MAP3K13: variants seen among roughly 807,000 people sequenced by gnomAD.
The protein encoded by MAP3K13 is mitogen-activated protein kinase kinase kinase 13.
MAP3K13 carries 52 observed loss-of-function variants against 104.0 expected under a neutral mutation model. The ratio of observed to expected loss-of-function variants is 0.50; its 90% CI spans 0.40 to 0.63. MAP3K13 has a LOEUF of 0.63. Among genes scored for constraint, MAP3K13 ranks in the 20% least tolerant of loss-of-function variants. The pLI is 0.00. For synonymous variants in MAP3K13, 394 were observed against 442.2 expected (o/e 0.89, Z 1.37); for missense variants, 914 against 1,218.5 (o/e 0.75, Z 3.72).
intron 2 of MAP3K13, among the ~76,000 whole-genome samples, chr3:185,323,317 A>G (rs1215269853): frequency 6.8e-6 from 1 of 147,636 alleles, no homozygotes; most frequent in Non-Finnish European, 1.5e-5. Flanking sequence ...AGCGTACCAC[A>G]TTACATTTGG....
intron 2 of MAP3K13, among the ~76,000 whole-genome samples, chr3:185,316,923 T>A (rs1721699189): frequency 6.6e-6 from 1 of 152,200 alleles, no homozygotes; most frequent in African/African-American, 2.4e-5. Flanking sequence ...ATTATTATGA[T>A]GTCATGTTAA....
chr3:185,301,314 G>A (rs1490499551), intron 2 of MAP3K13, among the ~76,000 whole-genome samples: 2 of 112,424 alleles, frequency 1.8e-5, no homozygotes, highest in Non-Finnish European at 4.5e-5. Context: ...TTTTAAATTG[G>A]ATTTTTTTTT....
intron 2 of MAP3K13, among the ~76,000 whole-genome samples, chr3:185,319,726 C>T (rs780715394): frequency 3.9e-5 from 6 of 152,200 alleles, no homozygotes; most frequent in Non-Finnish European, 8.8e-5. Flanking sequence ...TTTAAATCAA[C>T]AAGATTTGAG....
intron 1 of MAP3K13, among the ~76,000 whole-genome samples, chr3:185,385,279 T>C (rs542271145): frequency 5.9e-5 from 9 of 152,224 alleles, no homozygotes; most frequent in Middle Eastern, 3.4e-3. Context: ...GCCTCCCGAG[T>C]GGCTGGGATT....
At chr3:185,291,514 A>T in intron 2 of MAP3K13, 2 of 1,093,338 alleles carry the variant, frequency 1.8e-6, no homozygotes, top group East Asian at 2.7e-5. Flanking sequence ...GGTATCTAGT[A>T]ATCTGATTAA....
In MAP3K13 at chr3:185,473,581, A is replaced by C. The variant is rs1717937171; in HGVS notation, c.2250A>C (p.Pro750=). ...YGSLDIPSAE[P]VGRSPDLSKS... is the part of the protein sequence containing the mutation. ...CCTTAGACATACCCTCTGCTGAGCC[A>C]GTGGGGAGGAGCCCTGACCTTTCCA... The change falls in exon 11 of 14, where the codon CCA becomes CCC. Residue 750 remains proline (P), a synonymous_variant. Coordinates refer to ENST00000265026, the MANE Select transcript of MAP3K13 (RefSeq NM_004721.5). The surrounding 1 kb of genome is among the most constrained non-coding windows in gnomAD (Gnocchi z 4.9). 6.2e-7 allele frequency: 1 copy of C among 1,614,066 alleles called. No individual in the cohort carries two copies.
chr3:185,443,280 T>C (rs1715422109), intron 3 of MAP3K13, among the ~76,000 whole-genome samples, 165 bp from the exon 4 acceptor site: 1 of 152,210 alleles, frequency 6.6e-6, no homozygotes, highest in Admixed American at 6.5e-5. Context: ...GAGAAACCTG[T>C]AGACTAGAGA....
chr3:185,459,597 C>A (rs1390654473), intron 7 of MAP3K13, among the ~76,000 whole-genome samples: 11 of 151,882 alleles, frequency 7.2e-5, no homozygotes, highest in Admixed American at 7.2e-4. Flanking sequence ...CTACAGGCAC[C>A]TGCCATCATG....
At chr3:185,339,160 A>G (rs1287514760) in intron 2 of MAP3K13, among the ~76,000 whole-genome samples, 2 of 152,140 alleles carry the variant, frequency 1.3e-5, no homozygotes, top group African/African-American at 4.8e-5. Context: ...TCTCTATTAA[A>G]AATACAAAAA....
At chr3:185,376,274 G>A (rs58514429) in intron 1 of MAP3K13, among the ~76,000 whole-genome samples, 11,824 of 152,156 alleles carry the variant, frequency 0.078, 587 homozygotes, top group East Asian at 0.14. Context: ...TGAAGAAGCC[G>A]GGGAGCAGAA....
At chr3:185,407,856 T>A (rs898791923) in intron 1 of MAP3K13, among the ~76,000 whole-genome samples, 2 of 150,862 alleles carry the variant, frequency 1.3e-5, no homozygotes, top group African/African-American at 4.9e-5. Context: ...GATTTCCTTG[T>A]AGAATTTTGA....
chr3:185,419,374 C>T (rs1468440696), intron 1 of MAP3K13, among the ~76,000 whole-genome samples: 2 of 152,234 alleles, frequency 1.3e-5, no homozygotes, highest in African/African-American at 2.4e-5. Context: ...GTATCCTTAA[C>T]ATTTCACATC....
At chr3:185,406,219 CT>C (rs1560089504) in intron 1 of MAP3K13, among the ~76,000 whole-genome samples, 1 of 152,216 alleles carries the variant, frequency 6.6e-6, no homozygotes, top group African/African-American at 2.4e-5. Flanking sequence ...TGCCACTTGA[CT>C]CTTAATTTAG....
At chr3:185,350,434 G>A (rs948003804) in intron 2 of MAP3K13, among the ~76,000 whole-genome samples, 19 of 152,194 alleles carry the variant, frequency 1.2e-4, no homozygotes, top group African/African-American at 4.6e-4. Context: ...TGATCCACCT[G>A]CCTTGGCATC....
chr3:185,358,162 A>G (rs1577460468), upstream of MAP3K13, among the ~76,000 whole-genome samples: 1 of 152,216 alleles, frequency 6.6e-6, no homozygotes, highest in East Asian at 1.9e-4. Flanking sequence ...ATGCATGTAA[A>G]TATATACTTT....
intron 2 of MAP3K13, among the ~76,000 whole-genome samples, chr3:185,289,337 A>G (rs1228528650): frequency 2.6e-5 from 4 of 152,118 alleles, no homozygotes; most frequent in African/African-American, 7.2e-5. Context: ...TCAAATCCTA[A>G]AAACTTTTTT....
At chr3:185,455,887 T>G (rs1293015673) in intron 7 of MAP3K13, among the ~76,000 whole-genome samples, 1 of 123,276 alleles carries the variant, frequency 8.1e-6, no homozygotes, top group African/African-American at 3.0e-5. Flanking sequence ...AGATATATGA[T>G]ATAGATGAGA....
chr3:185,383,920 A>T (rs777645571), intron 1 of MAP3K13, among the ~76,000 whole-genome samples: 1 of 152,232 alleles, frequency 6.6e-6, no homozygotes, highest in Non-Finnish European at 1.5e-5. Flanking sequence ...GATGTCCATC[A>T]TTGAACAATT....
chr3:185,399,762 G>A (rs75951844), intron 1 of MAP3K13, among the ~76,000 whole-genome samples: 6,078 of 151,142 alleles, frequency 0.04, 213 homozygotes, highest in East Asian at 0.19. Flanking sequence ...CCCAGTTACA[G>A]TTTAGCTAGT....
Sources: allele counts gnomAD v4.1 joint callset (sites outside exome capture counted in the v4.1 genomes callset), GRCh38; gene constraint gnomAD v4.1.1; non-coding constraint Gnocchi (gnomAD v3.1); transcripts MANE v1.5; gene names NCBI Gene and HGNC (gene_info 2026-07-23, HGNC 2026-07-21).